HS3ST6: variants seen among roughly 807,000 people sequenced by gnomAD.
HS3ST6 encodes heparan sulfate-glucosamine 3-sulfotransferase 6.
HS3ST6 carries 13 observed loss-of-function variants against 11.0 expected under a neutral mutation model. The observed-to-expected ratio is 1.18, with a 90% CI of 0.77 to 1.88. The LOEUF is 1.88. Among genes scored for constraint, HS3ST6 ranks in the 40% most tolerant of loss-of-function variants. The pLI is 0.00. For missense variants in HS3ST6, 541 were observed against 494.4 expected (o/e 1.09, Z -0.89); for synonymous variants, 232 against 230.6 (o/e 1.01, Z -0.06).
chr16:1,916,520 GC>G lies in HS3ST6; in HGVS notation c.413+1390del, dbSNP rs201843916. 2.7e-3 allele frequency among the ~76,000 whole-genome samples: 403 copies of G among 151,950 alleles called. 7 individuals are homozygous for G. The highest frequency in any genetic ancestry group is 0.02 in the Admixed American group (302 of 15,272). ...ACTGATCCCCCAGCGCTGGACACAT[GC>G]CCAGGGCGGGCCTGGACTGGCCTCA... On this transcript the variant is annotated intron_variant, in intron 1 of 1. Coordinates refer to ENST00000454677, the MANE Select transcript of HS3ST6 (RefSeq NM_001009606.4).
In HS3ST6 at chr16:1,912,540, C is replaced by T. The variant is rs968575810; in HGVS notation, c.414-335G>A. Among the ~76,000 whole-genome samples, 1 of 152,124 alleles carries T rather than the reference C, an allele frequency of 6.6e-6. No individual in the cohort carries two copies. The highest frequency in any genetic ancestry group is 6.6e-5 in the Admixed American group (1 of 15,262). On this transcript the variant is annotated intron_variant, in intron 1 of 1. Transcript: ENST00000454677. This position sits in a 1 kb window ranked among gnomAD's most constrained non-coding sequence, Gnocchi z 5.6. ...CATATCTTCCCTGTGCAATCCCTGC[C>T]GTCCTCGCTTCCAGAGCCAGCTCCC...
chr16:1,919,904 T>C (rs901804453), upstream of HS3ST6, among the ~76,000 whole-genome samples: 12 of 152,202 alleles, frequency 7.9e-5, no homozygotes, highest in African/African-American at 2.4e-4. Context: ...TTATGCTGGG[T>C]CACAGGAAAT....
At chr16:1,919,457 C>T (rs766884144), upstream of HS3ST6, among the ~76,000 whole-genome samples, 1 of 152,218 alleles carries the variant, frequency 6.6e-6, no homozygotes, top group Non-Finnish European at 1.5e-5. Context: ...TTGCCCCATC[C>T]GAAGGCAAAG....
chr16:1,919,822 G>A (rs1175372969), upstream of HS3ST6, among the ~76,000 whole-genome samples: 1 of 152,256 alleles, frequency 6.6e-6, no homozygotes, highest in Non-Finnish European at 1.5e-5. Flanking sequence ...GGCTGCACCT[G>A]CTCATCTGGG....
chr16:1,913,697 A>T (rs572493770), intron 1 of HS3ST6, among the ~76,000 whole-genome samples: 1 of 152,098 alleles, frequency 6.6e-6, no homozygotes, highest in Non-Finnish European at 1.5e-5. Flanking sequence ...GGCCCCTGCC[A>T]GGAGGCTGAC....
Position 1,912,268 on chromosome 16 carries a change from G to A in HS3ST6, c.414-63C>T, listed in dbSNP as rs1384185718. On this transcript the variant is annotated intron_variant, in intron 1 of 1. Transcript: ENST00000454677. The surrounding 1 kb of genome is among the most constrained non-coding windows in gnomAD (Gnocchi z 5.6). ...CCCAGCCCTAGACCGGCCCCCAGGG[G>A]CCCGGGACCAAGGCCCCCTTATGCC... The A allele has an allele frequency of 1.6e-6, 2 of 1,276,852 alleles. No homozygotes were observed. Among genetic ancestry groups the A allele is most frequent in the African/African-American group, 1.5e-5 (1 of 64,762 alleles). The allele number at this position is 1,276,852 out of a possible 1,614,324, so 79.1% of individuals were successfully genotyped here.
chr16:1,911,896 C>G lies in HS3ST6; in HGVS notation c.723G>C (p.Leu241=). The stretch of plus-strand genomic sequence containing the variant: ...CCCCGCTGACGAACAGGAAGTGGGA[C>G]AGGGGGAAGTAGCGCAGCCAGTGGT... ...HLDHWLRYFP[L]SHFLFVSGER... Residue 241 remains leucine (L), a synonymous_variant, in exon 2 of 2, where the codon CTG becomes CTC. Coordinates refer to ENST00000454677, the MANE Select transcript of HS3ST6 (RefSeq NM_001009606.4). 6.2e-7 allele frequency: 1 copy of G among 1,605,504 alleles called. No homozygotes were observed. Among genetic ancestry groups the G allele is most frequent in the Non-Finnish European group, 8.5e-7 (1 of 1,174,914 alleles).
rs773800751 is a variant in HS3ST6 at position 1,917,609 on chromosome 16, C to T, written c.413+302G>A. Among the ~76,000 whole-genome samples the T allele has an allele frequency of 3.9e-4, 60 of 152,300 alleles. 1 individual carries two copies. Among genetic ancestry groups the T allele is most frequent in the Non-Finnish European group, 2.9e-4 (20 of 68,014 alleles). ...GCCAGGTAATCCCACGGGCTGGAAA[C>T]GACCTCTGGGCTGGGAAGCCACCGC... is the stretch of plus-strand genomic sequence containing the variant. On this transcript the variant is annotated intron_variant, in intron 1 of 1. Coordinates refer to ENST00000454677, the MANE Select transcript of HS3ST6 (RefSeq NM_001009606.4).
Position 1,918,107 on chromosome 16 carries a change from G to A in HS3ST6, c.217C>T (p.Arg73Cys), listed in dbSNP as rs1419845384. Reference sequence around the variant, plus strand: ...AAAGGCAGGCCGGGTGCTCCCGGGCGGTGGACGGAGCTGGACGGCTCGGAG... The same window carrying A: ...AAAGGCAGGCCGGGTGCTCCCGGGCAGTGGACGGAGCTGGACGGCTCGGAG... ...APSEPSSSVHRPGAPGLPLAS... is the reference protein window; with the variant it reads ...APSEPSSSVHCPGAPGLPLAS... Residue 73 changes from arginine to cysteine, a missense_variant, in exon 1 of 2, where the codon CGC (arginine) becomes TGC (cysteine). Physicochemically the swap from Arg to Cys is radical, Grantham distance 180. Coordinates refer to ENST00000454677, the MANE Select transcript of HS3ST6 (RefSeq NM_001009606.4). The surrounding 1 kb of genome is among the most constrained non-coding windows in gnomAD (Gnocchi z 6.0). 3 of 1,472,594 alleles carry A rather than the reference G, an allele frequency of 2.0e-6. No individual in the cohort carries two copies. The highest frequency in any genetic ancestry group is 4.5e-5 in the Admixed American group (2 of 44,630). The allele number at this position is 1,472,594 out of a possible 1,614,324, so 91.2% of individuals were successfully genotyped here.
In HS3ST6 at chr16:1,918,312, G is replaced by A. The variant is rs960303042; in HGVS notation, c.12C>T (p.Ser4=). ...CCCCGGCCCCGCCGCCCAGGCCGCC[G>A]CTACCTGCCATGGGGTCGCGCCGCT... MAG[S]GGLGGGAGGG... is the part of the protein sequence containing the mutation. The change falls in exon 1 of 2, where the codon AGC becomes AGT. Residue 4 remains serine, a synonymous_variant. Transcript: ENST00000454677. This position sits in a 1 kb window ranked among gnomAD's most constrained non-coding sequence, Gnocchi z 6.0. The A allele has an allele frequency of 3.5e-3, 2,204 of 635,586 alleles. 11 individuals are homozygous for A. Among genetic ancestry groups the A allele is most frequent in the Non-Finnish European group, 4.0e-3 (2,066 of 517,296 alleles). The allele number at this position is 635,586 out of a possible 1,614,324, so 39.4% of individuals were successfully genotyped here.
In HS3ST6 at chr16:1,912,049, G is replaced by C. The variant is rs1180315622; in HGVS notation, c.570C>G (p.Asp190Glu). 2 of 1,515,610 alleles carry C rather than the reference G, an allele frequency of 1.3e-6. No individual in the cohort carries two copies. The highest frequency in any genetic ancestry group is 1.8e-6 in the Non-Finnish European group (2 of 1,133,408). 93.9% of individuals were successfully genotyped at this position (1,515,610 alleles called of 1,614,324 possible). A position where few individuals can be genotyped will look rare whatever the true frequency, so the allele number is the denominator to read the frequency against. ...GGGTCTTGGAGAGCGTCTGGGCGTA[G>C]TCGGAGATGGCCCGGGTCACGGGGT... ...VRNPVTRAIS[D>E]YAQTLSKTPG... Residue 190 changes from aspartate (D) to glutamate (E), a missense_variant, in exon 2 of 2, where the codon GAC becomes GAG. Asp to Glu is a conservative substitution (Grantham distance 45, BLOSUM62 2). Coordinates refer to ENST00000454677, the MANE Select transcript of HS3ST6 (RefSeq NM_001009606.4). The surrounding 1 kb of genome is among the most constrained non-coding windows in gnomAD (Gnocchi z 5.6).
chr16:1,913,022 C>T (rs368217122), intron 1 of HS3ST6, among the ~76,000 whole-genome samples: 44 of 152,138 alleles, frequency 2.9e-4, no homozygotes, highest in African/African-American at 1.0e-3. Flanking sequence ...GAACTCCTGA[C>T]CTCAGGTGAT....
chr16:1,918,362 G>A lies in HS3ST6; in HGVS notation c.-39C>T. The stretch of plus-strand genomic sequence containing the variant: ...TCCAGGCCCGGGAGCGGGGGCAGCA[G>A]GCGGGCGCGCATCTCGGCCCGCGCG... On this transcript the variant is annotated 5_prime_UTR_variant, in exon 1 of 2. Coordinates refer to ENST00000454677, the MANE Select transcript of HS3ST6 (RefSeq NM_001009606.4). This position sits in a 1 kb window ranked among gnomAD's most constrained non-coding sequence, Gnocchi z 6.0. The A allele has an allele frequency of 3.8e-6, 1 of 261,044 alleles. No individual in the cohort carries two copies. Among genetic ancestry groups the A allele is most frequent in the Non-Finnish European group, 6.0e-6 (1 of 165,920 alleles). 16.2% of individuals were successfully genotyped at this position (261,044 alleles called of 1,614,324 possible). A position where few individuals can be genotyped will look rare whatever the true frequency, so the allele number is the denominator to read the frequency against.
chr16:1,919,876 C>A (rs118018874), upstream of HS3ST6, among the ~76,000 whole-genome samples: 3 of 152,212 alleles, frequency 2.0e-5, no homozygotes, highest in East Asian at 5.8e-4. Context: ...GGGCACAATG[C>A]GAGGAGAGCA....
intron 1 of HS3ST6, among the ~76,000 whole-genome samples, chr16:1,917,595 C>T (rs2082934458): frequency 6.6e-6 from 1 of 152,160 alleles, no homozygotes. Context: ...CCAGGTAATC[C>T]CACGGGCTGG....
At position 1,918,071 on chromosome 16, in the gene HS3ST6, G is replaced by C. The variant is rs777009669; in HGVS notation, c.253C>G (p.Pro85Ala). ...GAPGLPLASG[P>A]GRRRFPQALI... Reference sequence around the variant, plus strand: ...GCTTGCGGGAAGCGCCGGCGGCCGGGACCGCTGGCCAAAGGCAGGCCGGGT... The same window carrying C: ...GCTTGCGGGAAGCGCCGGCGGCCGGCACCGCTGGCCAAAGGCAGGCCGGGT... Residue 85 changes from proline (P) to alanine (A), a missense_variant, in exon 1 of 2, where the codon CCC (proline) becomes GCC (alanine). By Grantham distance (27) the Pro-to-Ala change is conservative. Coordinates refer to ENST00000454677, the MANE Select transcript of HS3ST6 (RefSeq NM_001009606.4). This position sits in a 1 kb window ranked among gnomAD's most constrained non-coding sequence, Gnocchi z 6.0. 2.0e-6 allele frequency: 3 copies of C among 1,507,202 alleles called. No individual in the cohort carries two copies. The highest frequency in any genetic ancestry group is 2.6e-6 in the Non-Finnish European group (3 of 1,134,280). The allele number at this position is 1,507,202 out of a possible 1,614,324, so 93.4% of individuals were successfully genotyped here. A position where few individuals can be genotyped will look rare whatever the true frequency, so the allele number is the denominator to read the frequency against.
chr16:1,917,974 C>T lies in HS3ST6; in HGVS notation c.350G>A (p.Arg117His), dbSNP rs1287229205. Reference protein sequence around the residue: ...LEFLRLHPDVRALGSEPHFFD... With the variant: ...LEFLRLHPDVHALGSEPHFFD... Reference sequence around the variant, plus strand: ...GAAGTGGGGCTCAGAGCCCAGCGCGCGGACGTCGGGGTGCAGCCGCAGAAA... The same window carrying T: ...GAAGTGGGGCTCAGAGCCCAGCGCGTGGACGTCGGGGTGCAGCCGCAGAAA... The change falls in exon 1 of 2, where the codon CGC becomes CAC. Residue 117 changes from arginine to histidine, a missense_variant. Physicochemically the swap from Arg to His is conservative, Grantham distance 29 (BLOSUM62 0). Coordinates refer to ENST00000454677, the MANE Select transcript of HS3ST6 (RefSeq NM_001009606.4). 4 of 1,551,206 alleles carry T rather than the reference C, an allele frequency of 2.6e-6. No individual in the cohort carries two copies. The highest frequency in any genetic ancestry group is 3.5e-6 in the Non-Finnish European group (4 of 1,157,914).
Position 1,912,256 on chromosome 16 carries a change from CGGCCCCCAGGGGCCCGGGACCAA to C in HS3ST6, c.414-74_414-52del, listed in dbSNP as rs1555477413. ...GGCCTGAGCCTCCCCAGCCCTAGAC[CGGCCCCCAGGGGCCCGGGACCAA>C]GGCCCCCTTATGCCCGGGAAGCCCA... On this transcript the variant is annotated intron_variant, in intron 1 of 1. Coordinates refer to ENST00000454677, the MANE Select transcript of HS3ST6 (RefSeq NM_001009606.4). The surrounding 1 kb of genome is among the most constrained non-coding windows in gnomAD (Gnocchi z 5.6). 4 of 1,306,658 alleles carry C rather than the reference CGGCCCCCAGGGGCCCGGGACCAA, an allele frequency of 3.1e-6. No individual in the cohort carries two copies. The highest frequency in any genetic ancestry group is 3.9e-6 in the Non-Finnish European group (4 of 1,025,510). 80.9% of individuals were successfully genotyped at this position (1,306,658 alleles called of 1,614,324 possible). A position where few individuals can be genotyped will look rare whatever the true frequency, so the allele number is the denominator to read the frequency against.
At position 1,912,479 on chromosome 16, in the gene HS3ST6, C is replaced by A. The variant is rs138823259; in HGVS notation, c.414-274G>T. 2.8e-3 allele frequency among the ~76,000 whole-genome samples: 432 copies of A among 152,254 alleles called. 1 individual carries two copies. Among genetic ancestry groups the A allele is most frequent in the African/African-American group, 9.8e-3 (409 of 41,540 alleles). On this transcript the variant is annotated intron_variant, in intron 1 of 1. Transcript: ENST00000454677. This position sits in a 1 kb window ranked among gnomAD's most constrained non-coding sequence, Gnocchi z 5.6. ...CTGCACTGAGGATTAGGGTGACGGTCGCTGGTCGGGAGGCCCAAATGCTCC... is the reference window on the plus strand; with the variant it reads ...CTGCACTGAGGATTAGGGTGACGGTAGCTGGTCGGGAGGCCCAAATGCTCC...
Sources: gnomAD v4.1 joint callset for allele counts (sites outside exome capture counted in the v4.1 genomes callset) on GRCh38, gnomAD v4.1.1 for gene constraint, Gnocchi (gnomAD v3.1) non-coding constraint, MANE v1.5 for transcripts, NCBI Gene and HGNC (gene_info 2026-07-23, HGNC 2026-07-21) for gene names.